DST: variants seen among roughly 807,000 people sequenced by gnomAD.
The protein encoded by DST is bullous pemphigoid antigen.
In DST, 253 loss-of-function variants were observed where a neutral mutation model predicts 875.2. The ratio of observed to expected loss-of-function variants is 0.29; its 90% confidence interval spans 0.26 to 0.32. The LOEUF (loss-of-function observed/expected upper bound fraction) is 0.32, where lower values mean the gene tolerates loss of function less well. Ranked by LOEUF, DST falls within the 10% of genes least tolerant of loss-of-function variation. The pLI, the probability that DST is intolerant of heterozygous loss-of-function variation, is 1.00. For missense variants in DST, 8,287 were observed against 9,111.6 expected, an observed-to-expected ratio of 0.91 and a Z score of 3.68; for synonymous variants, 3,124 against 3,197.1, an observed-to-expected ratio of 0.98 and a Z score of 0.77.
chr6:56,722,060 CTTTTG>C lies in DST; in HGVS notation c.687+13163_687+13167del, dbSNP rs71549717. 7.8e-3 allele frequency among the ~76,000 whole-genome samples: 1,182 copies of C among 152,010 alleles called. 10 individuals are homozygous for C. Among genetic ancestry groups the C allele is most frequent in the Admixed American group, 0.013 (199 of 15,280 alleles). On this transcript the variant is annotated intron_variant, in intron 5 of 103. Coordinates refer to ENST00000680361, the MANE Select transcript of DST (RefSeq NM_001374736.1). ...TCATATGGTACAAAATATTCTTCTT[CTTTTG>C]TTCTCAATTATTTAAAAATGTAAAA... is the stretch of plus-strand genomic sequence containing the variant.
chr6:56,588,824 T>C (rs955922487), intron 49 of DST, among the ~76,000 whole-genome samples: 3 of 152,146 alleles, frequency 2.0e-5, no homozygotes, highest in Non-Finnish European at 4.4e-5. Flanking sequence ...ACGACCAACA[T>C]AGGATCTAGA....
At chr6:56,874,216 G>A (rs919154440) in intron 3 of DST, among the ~76,000 whole-genome samples, 4 of 152,154 alleles carry the variant, frequency 2.6e-5, no homozygotes, top group Non-Finnish European at 5.9e-5. Flanking sequence ...GGTCACACCT[G>A]TAATCCCAAC....
intron 4 of DST, among the ~76,000 whole-genome samples, chr6:56,848,479 T>C (rs75647637): frequency 6.6e-6 from 1 of 152,158 alleles, no homozygotes; most frequent in Non-Finnish European, 1.5e-5. Context: ...TATGAAAATA[T>C]ATAACAAAAT....
At chr6:56,706,298 A>G (rs1371739488) in intron 5 of DST, among the ~76,000 whole-genome samples, 1 of 150,908 alleles carries the variant, frequency 6.6e-6, no homozygotes, top group Non-Finnish European at 1.5e-5. Flanking sequence ...TGGGTGACAG[A>G]GCGAGACTCC....
rs1239972652 is a variant in DST, at chr6:56,555,406, T to G, written c.15075A>C (p.Ala5025=). 1 of 1,612,142 alleles carries G rather than the reference T, an allele frequency of 6.2e-7. No homozygotes were observed. Among genetic ancestry groups the G allele is most frequent in the Admixed American group, 1.7e-5 (1 of 59,882 alleles). Residue 5025 remains alanine (A), a synonymous_variant, in exon 60 of 104, where the codon GCA becomes GCC. Coordinates refer to ENST00000680361, the MANE Select transcript of DST (RefSeq NM_001374736.1). ...TGCCTTCTAGTTGCCTACTAAGTTC[T>G]GCTTTCAAGTACTCTTCTTTAACCA... The part of the protein sequence containing the change: ...SALVKEEYLK[A]ELSRQLEGIL...
At chr6:56,615,399 G>A in intron 36 of DST, 5 of 1,548,630 alleles carry the variant, frequency 3.2e-6, no homozygotes, top group Non-Finnish European at 4.3e-6. Context: ...CAGCCCTCAA[G>A]AAATAGAGTA....
At position 56,528,882 on chromosome 6, in the gene DST, T is replaced by C; in HGVS notation, c.17639A>G (p.Gln5880Arg). 1 of 1,587,258 alleles carries C rather than the reference T, an allele frequency of 6.3e-7. No individual in the cohort carries two copies. The highest frequency in any genetic ancestry group is 8.6e-7 in the Non-Finnish European group (1 of 1,164,596). ...DILLRKQNVD[Q>R]ALLNGLELLK... ...TAGTTCTAAACCATTTAGTAAAGCC[T>C]GATCTACATTTTGTTTCCTGAGTAA... Residue 5880 changes from glutamine to arginine, a missense_variant, in exon 67 of 104, where the codon CAG (glutamine) becomes CGG (arginine). Physicochemically the swap from Gln to Arg is conservative, Grantham distance 43 (BLOSUM62 1). This residue lies in a region of DST where 777 missense variants were observed against 764.8 expected (regional missense o/e 1.02). Coordinates refer to ENST00000680361, the MANE Select transcript of DST (RefSeq NM_001374736.1).
At chr6:56,526,631 C>T (rs2096802132) in intron 68 of DST, 64 bp from the exon 69 acceptor site, 2 of 1,475,518 alleles carry the variant, frequency 1.4e-6, no homozygotes, top group Non-Finnish European at 1.9e-6. Context: ...TTTAACTGTT[C>T]TTGGAGCTCA....
At chr6:56,574,344 G>T (rs1324839844) in intron 50 of DST, among the ~76,000 whole-genome samples, 1 of 152,084 alleles carries the variant, frequency 6.6e-6, no homozygotes, top group African/African-American at 2.4e-5. Flanking sequence ...GATTTCTGAA[G>T]AATTAACTTT....
chr6:56,865,290 T>G (rs1268393543), intron 3 of DST, among the ~76,000 whole-genome samples: 1 of 151,428 alleles, frequency 6.6e-6, no homozygotes, highest in East Asian at 1.9e-4. Flanking sequence ...TGTGTGTGTG[T>G]GTGTGTCTGT....
intron 4 of DST, among the ~76,000 whole-genome samples, chr6:56,804,398 T>A (rs553172174): frequency 6.6e-6 from 1 of 152,284 alleles, no homozygotes; most frequent in South Asian, 2.1e-4. Context: ...TTCACAGAGA[T>A]AACTGTTTTG....
intron 5 of DST, among the ~76,000 whole-genome samples, chr6:56,730,067 A>G (rs1357298972): frequency 3.9e-5 from 6 of 152,212 alleles, no homozygotes; most frequent in African/African-American, 1.4e-4. Flanking sequence ...TTTAGACCAA[A>G]TATCCTCTTT....
intron 4 of DST, among the ~76,000 whole-genome samples, chr6:56,739,880 C>T (rs1398033469): frequency 1.3e-5 from 2 of 152,168 alleles, no homozygotes; most frequent in Non-Finnish European, 2.9e-5. Context: ...AAATGAGCAA[C>T]CAGCAGCCCT....
chr6:56,514,625 A>AAC (rs2096555047), intron 72 of DST, among the ~76,000 whole-genome samples: 1 of 142,324 alleles, frequency 7.0e-6, no homozygotes, highest in Admixed American at 6.9e-5. Flanking sequence ...CCTCATGCGC[A>AAC]TACACACACA....
Position 56,627,174 on chromosome 6 carries a change from A to C in DST, c.4722+30T>G, listed in dbSNP as rs781241605. ...TGTAGAATCACAAACCTGAATATTA[A>C]ATTTTACTAAAGTTAATGAATCTTC... On this transcript the variant is annotated intron_variant, in intron 34 of 103. Coordinates refer to ENST00000680361, the MANE Select transcript of DST (RefSeq NM_001374736.1). 6 of 1,509,978 alleles carry C rather than the reference A, an allele frequency of 4.0e-6. No homozygotes were observed. In the Admixed American group the frequency reaches 5.0e-5, roughly 13 times the overall value. The allele number at this position is 1,509,978 out of a possible 1,614,324, so 93.5% of individuals were successfully genotyped here.
chr6:56,635,909 T>C (rs953047944), intron 23 of DST, among the ~76,000 whole-genome samples, 195 bp from the exon 24 acceptor site: 19 of 152,192 alleles, frequency 1.2e-4, no homozygotes, highest in African/African-American at 4.6e-4. Flanking sequence ...TGAATGAACA[T>C]ACTAAGTGTC....
chr6:56,728,054 G>A (rs938659209), intron 5 of DST, among the ~76,000 whole-genome samples: 7 of 152,268 alleles, frequency 4.6e-5, no homozygotes, highest in African/African-American at 1.7e-4. Flanking sequence ...GACAGTGGTG[G>A]TAGTAATAAT....
intron 43 of DST, 128 bp from the exon 44 acceptor site, chr6:56,601,804 G>T: frequency 3.4e-6 from 2 of 596,618 alleles, no homozygotes; most frequent in Non-Finnish European, 2.8e-6. Context: ...GAATTTTTTT[G>T]CTATTCATCA....
At chr6:56,766,500 C>T (rs1262212173) in intron 4 of DST, among the ~76,000 whole-genome samples, 2 of 151,736 alleles carry the variant, frequency 1.3e-5, no homozygotes, top group Admixed American at 6.6e-5. Flanking sequence ...ACATATAAGG[C>T]CTTTCTCTGC....
Sources: gnomAD v4.1 joint callset for allele counts (sites outside exome capture counted in the v4.1 genomes callset) on GRCh38, gnomAD v4.1.1 for gene constraint, gnomAD v4.1.1 regional missense constraint, MANE v1.5 for transcripts, NCBI Gene and HGNC (gene_info 2026-07-23, HGNC 2026-07-21) for gene names.